Variants in CTNND2 observed in about 807,000 individuals in gnomAD.
CTNND2 encodes the protein catenin delta 2, also known as catenin delta-2.
A neutral mutation model predicts 144.4 loss-of-function variants in CTNND2; 22 were observed. The ratio of observed to expected loss-of-function variants is 0.15; its 90% CI spans 0.11 to 0.22. CTNND2 has a LOEUF of 0.22. CTNND2 is among the 10% of genes least tolerant of loss of function. CTNND2 has a pLI of 1.00. For missense variants in CTNND2, 1,353 were observed against 1,618.8 expected (o/e 0.84, Z 2.82); for synonymous variants, 751 against 695.6 (o/e 1.08, Z -1.25).
At chr5:11,684,784 C>T (rs956548149) in intron 2 of CTNND2, among the ~76,000 whole-genome samples, 1 of 152,190 alleles carries the variant, frequency 6.6e-6, no homozygotes, top group Admixed American at 6.5e-5. Context: ...GCTAAGTCAT[C>T]TCAGCTGTAC....
intron 16 of CTNND2, among the ~76,000 whole-genome samples, chr5:11,082,242 A>G (rs1227826040): frequency 6.6e-6 from 1 of 152,242 alleles, no homozygotes; most frequent in Admixed American, 6.5e-5. Flanking sequence ...TTAATAAAAG[A>G]TCCTCTGTAT....
chr5:11,470,980 A>ATATATATATATATATATTT (rs1219093645), intron 3 of CTNND2, among the ~76,000 whole-genome samples: 4 of 91,580 alleles, frequency 4.4e-5, no homozygotes, highest in African/African-American at 5.8e-5. Context: ...ATATATATAT[A>ATATATATATATATATATTT]TTTTTTTTTT....
At chr5:11,455,489 T>C (rs1401937612) in intron 3 of CTNND2, among the ~76,000 whole-genome samples, 2 of 152,214 alleles carry the variant, frequency 1.3e-5, no homozygotes, top group Non-Finnish European at 2.9e-5. Context: ...GGTGCATCCC[T>C]ACACTCATCA....
intron 1 of CTNND2, among the ~76,000 whole-genome samples, chr5:11,880,424 T>C (rs900833061): frequency 1.3e-5 from 2 of 151,490 alleles, no homozygotes; most frequent in East Asian, 3.9e-4. Context: ...GAAGGCCTTC[T>C]ATCACAAGTC....
chr5:11,612,588 C>T lies in CTNND2; in HGVS notation c.175-47532G>A, dbSNP rs565989757. 2.4e-3 allele frequency among the ~76,000 whole-genome samples: 360 copies of T among 152,218 alleles called. 5 individuals are homozygous for T. In the Middle Eastern group the frequency reaches 0.031, roughly 13 times the overall value. On this transcript the variant is annotated intron_variant, in intron 2 of 21. Coordinates refer to ENST00000304623, the MANE Select transcript of CTNND2 (RefSeq NM_001332.4). ...AAAGGTATATTGCTTACTAATACTA[C>T]GATGCTTACTATTTCTAAAATCAAA...
At chr5:11,236,494 A>C (rs1741650067) in intron 10 of CTNND2, among the ~76,000 whole-genome samples, 197 bp downstream of exon 10, 1 of 152,202 alleles carries the variant, frequency 6.6e-6, no homozygotes, top group Non-Finnish European at 1.5e-5. Context: ...TCGGTATTCA[A>C]ATACTAAAAA....
intron 20 of CTNND2, among the ~76,000 whole-genome samples, chr5:10,985,272 T>G (rs954471820): frequency 6.6e-6 from 1 of 152,144 alleles, no homozygotes; most frequent in Admixed American, 6.5e-5. Context: ...TGAGGTGAAC[T>G]GAACACGTGA....
intron 5 of CTNND2, among the ~76,000 whole-genome samples, chr5:11,402,249 A>C (rs2149823523): frequency 6.6e-6 from 1 of 152,306 alleles, no homozygotes; most frequent in South Asian, 2.1e-4. Context: ...CTCAAAACTC[A>C]TTCTCAAACT....
intron 1 of CTNND2, among the ~76,000 whole-genome samples, chr5:11,817,993 T>TTG (rs1554126339): frequency 1.2e-4 from 8 of 66,396 alleles, no homozygotes; most frequent in African/African-American, 2.9e-4. Flanking sequence ...TTTTTTTTTT[T>TTG]TTTTTTTTTT....
intron 12 of CTNND2, among the ~76,000 whole-genome samples, chr5:11,147,947 C>T (rs1757409297): frequency 6.6e-6 from 1 of 152,188 alleles, no homozygotes; most frequent in South Asian, 2.1e-4. Context: ...TAAGTGGATA[C>T]ACAAAATGTG....
At chr5:11,783,772 T>C (rs564975889) in intron 1 of CTNND2, among the ~76,000 whole-genome samples, 1 of 152,236 alleles carries the variant, frequency 6.6e-6, no homozygotes, top group East Asian at 1.9e-4. Flanking sequence ...AATCCTCTAG[T>C]GTAATGGTTT....
chr5:11,489,336 C>A (rs142237237), intron 3 of CTNND2, among the ~76,000 whole-genome samples: 62 of 152,254 alleles, frequency 4.1e-4, no homozygotes, highest in African/African-American at 1.5e-3. Context: ...CATCCTTATA[C>A]CCTCTGAGAT....
chr5:11,854,760 G>A lies in CTNND2; in HGVS notation c.37+49057C>T, dbSNP rs117537281. Among the ~76,000 whole-genome samples the A allele has an allele frequency of 3.2e-3, 483 of 152,288 alleles. 5 individuals are homozygous for A. Among genetic ancestry groups the A allele is most frequent in the East Asian group, 0.013 (67 of 5,180 alleles). On this transcript the variant is annotated intron_variant, in intron 1 of 21. Coordinates refer to ENST00000304623, the MANE Select transcript of CTNND2 (RefSeq NM_001332.4). ...AACCCTGGATCTGAACCTGGATCTCGTTCTAACGATTTGGCCACGAAGTAG... is the reference window on the plus strand; with the variant it reads ...AACCCTGGATCTGAACCTGGATCTCATTCTAACGATTTGGCCACGAAGTAG...
chr5:11,018,412 G>A (rs852627), intron 17 of CTNND2, among the ~76,000 whole-genome samples: 42,789 of 151,980 alleles, frequency 0.28, 6,455 homozygotes, highest in South Asian at 0.37. Flanking sequence ...AGGGTTGCAC[G>A]CCTCTTACTT....
intron 2 of CTNND2, among the ~76,000 whole-genome samples, chr5:11,705,407 G>A (rs930079): frequency 0.076 from 11,551 of 152,266 alleles, 808 homozygotes; most frequent in African/African-American, 0.19. Context: ...GCAAAAGGCA[G>A]ATGACAGAAG....
At chr5:11,191,949 C>T (rs1736288104) in intron 11 of CTNND2, among the ~76,000 whole-genome samples, 2 of 152,190 alleles carry the variant, frequency 1.3e-5, no homozygotes, top group African/African-American at 2.4e-5. Context: ...GGCCCATCAC[C>T]AGACACAGCG....
intron 3 of CTNND2, among the ~76,000 whole-genome samples, chr5:11,526,292 C>G (rs1773240763): frequency 6.6e-6 from 1 of 152,164 alleles, no homozygotes; most frequent in South Asian, 2.1e-4. Context: ...GGTCTTCATT[C>G]AGAAGTTTGG....
At chr5:11,336,802 T>C (rs1414511281) in intron 9 of CTNND2, among the ~76,000 whole-genome samples, 1 of 152,136 alleles carries the variant, frequency 6.6e-6, no homozygotes, top group Non-Finnish European at 1.5e-5. Context: ...TATGTGTACA[T>C]ACAAATGCTC....
chr5:11,320,116 T>C (rs1461276023), intron 9 of CTNND2, among the ~76,000 whole-genome samples: 1 of 152,192 alleles, frequency 6.6e-6, no homozygotes, highest in Middle Eastern at 3.2e-3. Flanking sequence ...TAGGCACTGC[T>C]CAATTGCATT....
Sources: allele counts gnomAD v4.1 joint callset (sites outside exome capture counted in the v4.1 genomes callset), GRCh38; gene constraint gnomAD v4.1.1; transcripts MANE v1.5; gene names NCBI Gene and HGNC (gene_info 2026-07-23, HGNC 2026-07-21).